Variants in SORL1 observed in about 807,000 individuals in gnomAD.
The protein encoded by SORL1 is sortilin related receptor 1.
A neutral mutation model predicts 273.7 loss-of-function variants in SORL1; 127 were observed. The observed-to-expected ratio is 0.46, with a 90% CI of 0.40 to 0.54. The LOEUF is 0.54. Among genes scored for constraint, SORL1 ranks in the 20% least tolerant of loss-of-function variants. The pLI, the probability that SORL1 is intolerant of heterozygous loss-of-function variation, is 0.00. For missense variants in SORL1, 2,494 were observed against 2,846.1 expected, an observed-to-expected ratio of 0.88 and a Z score of 2.81; for synonymous variants, 1,031 against 1,067.4, an observed-to-expected ratio of 0.97 and a Z score of 0.66.
chr11:121,459,738 G>A (rs1860963760), intron 1 of SORL1, among the ~76,000 whole-genome samples: 1 of 152,210 alleles, frequency 6.6e-6, no homozygotes, highest in Non-Finnish European at 1.5e-5. Context: ...TAACAGTGGG[G>A]CCATCTCCCT....
At chr11:121,615,601 A>G (rs1032139390) in intron 41 of SORL1, among the ~76,000 whole-genome samples, 1 of 152,134 alleles carries the variant, frequency 6.6e-6, no homozygotes, top group Non-Finnish European at 1.5e-5. Context: ...TTCTCAATGG[A>G]AAAGCATACA....
intron 21 of SORL1, among the ~76,000 whole-genome samples, chr11:121,564,121 A>T (rs2134917333): frequency 6.6e-6 from 1 of 152,326 alleles, no homozygotes; most frequent in East Asian, 1.9e-4. Flanking sequence ...CATTGAGATA[A>T]CGGTTTTCAT....
Position 121,588,017 on chromosome 11 carries a change from C to A in SORL1, c.3815-3C>A. The A allele has an allele frequency of 6.2e-7, 1 of 1,612,832 alleles. No individual in the cohort carries two copies. Among genetic ancestry groups the A allele is most frequent in the Non-Finnish European group, 8.5e-7 (1 of 1,179,194 alleles). ...CCTCTTCCCTTCTCTGGATCCCTTACAGAGCCCCTCTGTACGCACTTCATG... is the reference window on the plus strand; with the variant it reads ...CCTCTTCCCTTCTCTGGATCCCTTAAAGAGCCCCTCTGTACGCACTTCATG... On this transcript the variant is annotated splice_polypyrimidine_tract_variant and splice_region_variant and intron_variant, in intron 27 of 47. Coordinates refer to ENST00000260197, the MANE Select transcript of SORL1 (RefSeq NM_003105.6).
intron 8 of SORL1, 25 bp downstream of exon 8, chr11:121,514,346 C>T (rs1861920975): frequency 6.3e-7 from 1 of 1,598,458 alleles, no homozygotes; most frequent in Non-Finnish European, 8.5e-7. Context: ...AGTCCTTCTC[C>T]TGCCTTCTTA....
At chr11:121,552,251 G>A (rs985831352) in intron 16 of SORL1, among the ~76,000 whole-genome samples, 1 of 152,212 alleles carries the variant, frequency 6.6e-6, no homozygotes, top group African/African-American at 2.4e-5. Flanking sequence ...TGGGCATCTG[G>A]AAGGATTTTT....
At position 121,554,228 on chromosome 11, in the gene SORL1, C is replaced by T; in HGVS notation, c.2439+119C>T. The T allele has an allele frequency of 1.2e-6, 1 of 839,132 alleles. No homozygotes were observed. The highest frequency in any genetic ancestry group is 1.8e-6 in the Non-Finnish European group (1 of 542,146). 52.0% of individuals were successfully genotyped at this position (839,132 alleles called of 1,614,324 possible). On this transcript the variant is annotated intron_variant, in intron 17 of 47. Transcript: ENST00000260197. This position sits in a 1 kb window ranked among gnomAD's most constrained non-coding sequence, Gnocchi z 4.6. ...TTAGAAGTTTGTAAGTGTTACTCATCTCAGGGCTGACAGGTGAAAGTTTCC... is the reference window on the plus strand; with the variant it reads ...TTAGAAGTTTGTAAGTGTTACTCATTTCAGGGCTGACAGGTGAAAGTTTCC...
chr11:121,496,830 T>C (rs1243418049), intron 5 of SORL1, 39 bp from the exon 6 acceptor site: 12 of 1,559,372 alleles, frequency 7.7e-6, no homozygotes, highest in Non-Finnish European at 1.0e-5. Flanking sequence ...AGTAATTAAA[T>C]GTGCAAATGA....
intron 6 of SORL1, among the ~76,000 whole-genome samples, chr11:121,503,252 A>C (rs1474622934): frequency 6.6e-6 from 1 of 151,854 alleles, no homozygotes. Flanking sequence ...ACTATTGCCT[A>C]ATCTGAGGTC....
At chr11:121,566,710 G>A in intron 21 of SORL1, 3 of 444,300 alleles carry the variant, frequency 6.8e-6, no homozygotes, top group Non-Finnish European at 1.2e-5. Flanking sequence ...CTGCTGCCTG[G>A]CTTGGCTCTG....
chr11:121,520,842 A>C lies in SORL1; in HGVS notation c.1397A>C (p.Asn466Thr). ...PAFTGYGEKI[N>T]CELSQGCSLH... ...TTCACGGGATATGGAGAGAAAATCA[A>C]TTGTGAGGTATTGATGCTTTAATCT... Residue 466 changes from asparagine to threonine, a missense_variant, in exon 9 of 48, where the codon AAT (asparagine) becomes ACT (threonine). Around this residue, in one of 3 missense-constraint regions of SORL1, gnomAD observed 710 missense variants for 882.5 expected, o/e 0.80. Coordinates refer to ENST00000260197, the MANE Select transcript of SORL1 (RefSeq NM_003105.6). The C allele has an allele frequency of 6.3e-7, 1 of 1,591,198 alleles. No individual in the cohort carries two copies. Among genetic ancestry groups the C allele is most frequent in the Non-Finnish European group, 8.5e-7 (1 of 1,172,360 alleles).
At chr11:121,624,891 T>C (rs1383743225) in intron 45 of SORL1, among the ~76,000 whole-genome samples, 194 bp from the exon 46 acceptor site, 2 of 152,148 alleles carry the variant, frequency 1.3e-5, no homozygotes, top group African/African-American at 4.8e-5. Flanking sequence ...ATTTGAGATA[T>C]TGGAGATGAG....
chr11:121,474,602 G>A (rs779750022), intron 2 of SORL1, among the ~76,000 whole-genome samples: 13 of 152,198 alleles, frequency 8.5e-5, no homozygotes, highest in Non-Finnish European at 1.3e-4. Flanking sequence ...CCTCCCCTGT[G>A]CTATTTTGCT....
intron 24 of SORL1, among the ~76,000 whole-genome samples, chr11:121,574,853 C>T (rs1336136563): frequency 1.3e-5 from 2 of 152,076 alleles, no homozygotes; most frequent in African/African-American, 4.8e-5. Context: ...TGAATGAATT[C>T]AGGGGGTTAT....
At chr11:121,473,627 G>T (rs1861208624) in intron 2 of SORL1, among the ~76,000 whole-genome samples, 1 of 152,236 alleles carries the variant, frequency 6.6e-6, no homozygotes, top group Non-Finnish European at 1.5e-5. Flanking sequence ...GTGAGGAGTG[G>T]CTCATGCCTG....
At chr11:121,586,422 C>T in intron 27 of SORL1, 93 bp downstream of exon 27, 1 of 969,130 alleles carries the variant, frequency 1.0e-6, no homozygotes, top group Admixed American at 1.7e-5. Flanking sequence ...TTCCTCAGTA[C>T]CTGCTTGTGG....
At chr11:121,574,903 G>A (rs1862905069) in intron 24 of SORL1, among the ~76,000 whole-genome samples, 1 of 152,124 alleles carries the variant, frequency 6.6e-6, no homozygotes, top group African/African-American at 2.4e-5. Flanking sequence ...CTCAGTGGGT[G>A]TGAGATTAGC....
At chr11:121,468,112 T>C (rs551757786) in intron 1 of SORL1, among the ~76,000 whole-genome samples, 1 of 151,684 alleles carries the variant, frequency 6.6e-6, no homozygotes, top group Non-Finnish European at 1.5e-5. Context: ...AAAGTTCGAG[T>C]GTGCTGGGGG....
chr11:121,557,438 C>A (rs749801148), intron 19 of SORL1, 33 bp downstream of exon 19: 11 of 1,443,656 alleles, frequency 7.6e-6, no homozygotes, highest in Non-Finnish European at 1.1e-5. Flanking sequence ...ATCAGTCTTG[C>A]GTCCAATGCT....
Position 121,494,293 on chromosome 11 carries a change from C to G in SORL1, c.759-2576C>G, listed in dbSNP as rs186888558. ...GGATTTTAGGCTATTTGTGGGATTT[C>G]TCCCCCTAGGTTTCCCCATAATAAG... On this transcript the variant is annotated intron_variant, in intron 5 of 47. Transcript: ENST00000260197. Among the ~76,000 whole-genome samples, 4 of 152,258 alleles carry G rather than the reference C, an allele frequency of 2.6e-5. No individual in the cohort carries two copies. The East Asian group carries it at 7.7e-4, about 29-fold the overall frequency.
Sources: gnomAD v4.1 joint callset for allele counts (sites outside exome capture counted in the v4.1 genomes callset) on GRCh38, gnomAD v4.1.1 for gene constraint, gnomAD v4.1.1 regional missense constraint, Gnocchi (gnomAD v3.1) non-coding constraint, MANE v1.5 for transcripts, NCBI Gene and HGNC (gene_info 2026-07-23, HGNC 2026-07-21) for gene names.